Variants in SHD observed in about 807,000 individuals in gnomAD.
SHD encodes the protein SH2 domain-containing adapter protein D.
SHD carries 29 observed loss-of-function variants against 31.2 expected under a neutral mutation model. The observed-to-expected ratio is 0.93, with a 90% confidence interval of 0.69 to 1.27. SHD has a LOEUF of 1.27. Ranked by LOEUF, SHD falls within the 50% of genes most tolerant of loss-of-function variation. The pLI, the probability that SHD is intolerant of heterozygous loss-of-function variation, is 0.00. For synonymous variants in SHD, 208 were observed against 187.8 expected (o/e 1.11, Z -0.88); for missense variants, 520 against 453.8 (o/e 1.15, Z -1.33).
chr19:4,288,443 G>C, intron 5 of SHD, 81 bp downstream of exon 5: 1 of 1,475,358 alleles, frequency 6.8e-7, no homozygotes, highest in Non-Finnish European at 9.1e-7. Flanking sequence ...GGGAAGGGGA[G>C]GGTGTGGCTC....
chr19:4,280,036 T>A lies in SHD; in HGVS notation c.-28T>A. On this transcript the variant is annotated 5_prime_UTR_variant, in exon 1 of 6. Coordinates refer to ENST00000543264, the MANE Select transcript of SHD (RefSeq NM_020209.4). ...GGGCATGTGGGGGCCCCTCTGACAG[T>A]GGCCCGATTGGGGTGACAGGCGCCC... 1 of 1,563,798 alleles carries A rather than the reference T, an allele frequency of 6.4e-7. No individual in the cohort carries two copies. The highest frequency in any genetic ancestry group is 8.6e-7 in the Non-Finnish European group (1 of 1,156,882).
At chr19:4,279,110 G>C (rs368302228), upstream of SHD, 1 of 152,370 alleles carries the variant, frequency 6.6e-6, no homozygotes, top group Non-Finnish European at 1.5e-5. The surrounding 1 kb of genome is among the most constrained non-coding windows in gnomAD (Gnocchi z 7.5). Flanking sequence ...CCGCGGCCTC[G>C]GCCCCGGCGA....
In SHD at chr19:4,289,307, T is replaced by A. The variant is rs1224494983; in HGVS notation, c.836+945T>A. Among the ~76,000 whole-genome samples, 4 of 150,592 alleles carry A rather than the reference T, an allele frequency of 2.7e-5. No homozygotes were observed. The East Asian group carries it at 8.0e-4, about 30-fold the overall frequency. Reference sequence around the variant, plus strand: ...TTTGTATTTTTAGTAGAGACGGGGTTTCACTGTGTTAGCCAGGATGGTCTC... The same window carrying A: ...TTTGTATTTTTAGTAGAGACGGGGTATCACTGTGTTAGCCAGGATGGTCTC... On this transcript the variant is annotated intron_variant, in intron 5 of 5. Coordinates refer to ENST00000543264, the MANE Select transcript of SHD (RefSeq NM_020209.4).
In SHD at chr19:4,290,640, C is replaced by T; in HGVS notation, c.*7C>T. Reference sequence around the variant, plus strand: ...GGTCACGCAGACCCCCTGACAGTGACCCTCGGCCCCCTTTTGAGTCCTCGG... The same window carrying T: ...GGTCACGCAGACCCCCTGACAGTGATCCTCGGCCCCCTTTTGAGTCCTCGG... On this transcript the variant is annotated 3_prime_UTR_variant, in exon 6 of 6. Coordinates refer to ENST00000543264, the MANE Select transcript of SHD (RefSeq NM_020209.4). 6.3e-7 allele frequency: 1 copy of T among 1,580,240 alleles called. No homozygotes were observed. Among genetic ancestry groups the T allele is most frequent in the Non-Finnish European group, 8.6e-7 (1 of 1,160,142 alleles).
At chr19:4,284,932 G>T in intron 4 of SHD, 28 bp downstream of exon 4, 1 of 1,571,022 alleles carries the variant, frequency 6.4e-7, no homozygotes, top group South Asian at 1.1e-5. Flanking sequence ...AGGTGGAAGA[G>T]CCCCGTTGAA....
At chr19:4,284,412 T>G (rs1019925313) in intron 3 of SHD, 2 of 171,168 alleles carry the variant, frequency 1.2e-5, no homozygotes, top group Non-Finnish European at 2.5e-5. Context: ...TAGAGCTTAG[T>G]GCCTTTGTCC....
chr19:4,287,914 G>A (rs1342606299), intron 4 of SHD, among the ~76,000 whole-genome samples: 7 of 81,390 alleles, frequency 8.6e-5, no homozygotes, highest in African/African-American at 3.3e-4. Context: ...TTGTTTGTTC[G>A]TTTGTTTTGA....
rs1971238110 is a variant in SHD at position 4,279,856 on chromosome 19, C to T, written c.-208C>T. Reference sequence around the variant, plus strand: ...TAAGGCGGGCTTCTCTTCCTCCCTCCTCTGTCGCCTCCTTTTCCTCCCCCT... The same window carrying T: ...TAAGGCGGGCTTCTCTTCCTCCCTCTTCTGTCGCCTCCTTTTCCTCCCCCT... On this transcript the variant is annotated 5_prime_UTR_variant, in exon 1 of 6. Transcript: ENST00000543264. This position sits in a 1 kb window ranked among gnomAD's most constrained non-coding sequence, Gnocchi z 7.5. 3.2e-6 allele frequency: 2 copies of T among 630,140 alleles called. No individual in the cohort carries two copies. Among genetic ancestry groups the T allele is most frequent in the Non-Finnish European group, 5.4e-6 (2 of 372,076 alleles). The allele number at this position is 630,140 out of a possible 1,614,324, so 39.0% of individuals were successfully genotyped here. A position where few individuals can be genotyped will look rare whatever the true frequency, so the allele number is the denominator to read the frequency against.
chr19:4,282,312 C>G (rs1275811074), intron 1 of SHD, among the ~76,000 whole-genome samples: 1 of 152,066 alleles, frequency 6.6e-6, no homozygotes, highest in Non-Finnish European at 1.5e-5. Context: ...TCCAGCTACT[C>G]CAGAGACTGA....
In SHD at chr19:4,280,103, C is replaced by T. The variant is rs752161236; in HGVS notation, c.40C>T (p.Arg14Trp). The T allele has an allele frequency of 3.7e-6, 6 of 1,612,104 alleles. No individual in the cohort carries two copies. The Admixed American group carries it at 5.0e-5, about 13-fold the overall frequency. The change falls in exon 1 of 6, where the codon CGG (arginine) becomes TGG (tryptophan). Residue 14 changes from arginine (R) to tryptophan (W), a missense_variant. Coordinates refer to ENST00000543264, the MANE Select transcript of SHD (RefSeq NM_020209.4). The stretch of plus-strand genomic sequence containing the variant: ...ACGGGACTACCTGAGCTTTGGGGGT[C>T]GGAGGCCCCCTCCGCAGCCGCCCAC... ...WLRDYLSFGG[R>W]RPPPQPPTPD...
At position 4,282,958 on chromosome 19, in the gene SHD, C is replaced by A. The variant is rs1971271676; in HGVS notation, c.386C>A (p.Ala129Asp). The change falls in exon 2 of 6, where the codon GCC (alanine) becomes GAC (aspartate). Residue 129 changes from alanine to aspartate, a missense_variant. Ala to Asp is a moderately radical substitution (Grantham distance 126). Transcript: ENST00000543264. ...GATGGGTACATGGAGCCCTACGATG[C>A]CCAATGGGTCATGAGTGGTGAGTAG... Reference protein sequence around the residue: ...PDDGYMEPYDAQWVMSELPGR... With the variant: ...PDDGYMEPYDDQWVMSELPGR... 6 of 1,613,926 alleles carry A rather than the reference C, an allele frequency of 3.7e-6. No individual in the cohort carries two copies. The highest frequency in any genetic ancestry group is 1.3e-5 in the African/African-American group (1 of 74,890).
chr19:4,289,559 ATTATTTAT>A (rs1187225392), intron 5 of SHD, among the ~76,000 whole-genome samples: 10 of 146,706 alleles, frequency 6.8e-5, no homozygotes, highest in Admixed American at 2.7e-4. Context: ...TATTATTATT[ATTATTTAT>A]TTATTTATTT....
chr19:4,288,625 C>A (rs1041657085), intron 5 of SHD, among the ~76,000 whole-genome samples: 1 of 152,098 alleles, frequency 6.6e-6, no homozygotes, highest in Non-Finnish European at 1.5e-5. Flanking sequence ...TTGGGTAAGA[C>A]AAGGAACTAG....
intron 4 of SHD, 31 bp downstream of exon 4, chr19:4,284,935 C>G: frequency 6.4e-7 from 1 of 1,560,492 alleles, no homozygotes; most frequent in Non-Finnish European, 8.7e-7. Flanking sequence ...TGGAAGAGCC[C>G]CGTTGAACGT....
In SHD at chr19:4,286,264, T is replaced by C. The variant is rs879894442; in HGVS notation, c.716+1360T>C. ...CTTTCTTTCTTTCTTTCTTTCTCTC[T>C]TTCTTTCTTTCTTTCTTTTTTTCTT... On this transcript the variant is annotated intron_variant, in intron 4 of 5. Transcript: ENST00000543264. 1.6e-3 allele frequency among the ~76,000 whole-genome samples: 165 copies of C among 105,152 alleles called. 4 individuals carry two copies. Among genetic ancestry groups the C allele is most frequent in the Admixed American group, 2.5e-3 (22 of 8,660 alleles). 69.0% of individuals were successfully genotyped at this position (105,152 alleles called of 152,430 possible). A position where few individuals can be genotyped will look rare whatever the true frequency, so the allele number is the denominator to read the frequency against.
chr19:4,286,364 T>C (rs1355198243), intron 4 of SHD, among the ~76,000 whole-genome samples: 6 of 141,850 alleles, frequency 4.2e-5, no homozygotes, highest in East Asian at 2.1e-4. Flanking sequence ...TTCTTTCTTT[T>C]GAGACAGGGT....
intron 1 of SHD, among the ~76,000 whole-genome samples, chr19:4,280,977 T>C (rs911006932): frequency 4.0e-5 from 6 of 149,676 alleles, no homozygotes; most frequent in Admixed American, 3.3e-4. Context: ...TGGAACCTGG[T>C]GGGATCTTCC....
rs1315666621 is a variant in SHD, at chr19:4,283,148, G to A, written c.498G>A (p.Arg166=). The part of the protein sequence containing the change: ...ADGPPSGQKP[R]QSRMPQEDER... ...GACCCCCTTCTGGGCAGAAGCCTCGGCAGAGCCGGATGCCCCAGGAAGATG... is the reference window on the plus strand; with the variant it reads ...GACCCCCTTCTGGGCAGAAGCCTCGACAGAGCCGGATGCCCCAGGAAGATG... Residue 166 remains arginine (R), a synonymous_variant, in exon 3 of 6, where the codon CGG becomes CGA. Coordinates refer to ENST00000543264, the MANE Select transcript of SHD (RefSeq NM_020209.4). 3.1e-6 allele frequency: 5 copies of A among 1,614,142 alleles called. No homozygotes were observed. In the Admixed American group the frequency reaches 8.3e-5, roughly 27 times the overall value.
chr19:4,285,389 C>G (rs548804305), intron 4 of SHD, among the ~76,000 whole-genome samples: 63 of 152,164 alleles, frequency 4.1e-4, no homozygotes, highest in Non-Finnish European at 8.2e-4. Flanking sequence ...GACGCTGACT[C>G]TGTGTCCTTC....
Sources: allele counts gnomAD v4.1 joint callset (sites outside exome capture counted in the v4.1 genomes callset), GRCh38; gene constraint gnomAD v4.1.1; non-coding constraint Gnocchi (gnomAD v3.1); transcripts MANE v1.5; gene names NCBI Gene and HGNC (gene_info 2026-07-23, HGNC 2026-07-21).